The following MRPL2 variants were observed in gnomAD, a reference collection of about 807,000 sequenced individuals.
MRPL2 encodes mitochondrial ribosomal protein L2.
In MRPL2, 27 loss-of-function variants were observed where a neutral mutation model predicts 34.6. That is an observed-to-expected ratio of 0.78 (90% confidence interval 0.58 to 1.08). The LOEUF is 1.08. MRPL2 is among the 50% of genes least tolerant of loss of function. MRPL2 has a pLI of 0.00. For synonymous variants in MRPL2, 155 were observed against 158.0 expected (o/e 0.98, Z 0.14); for missense variants, 414 against 419.3 (o/e 0.99, Z 0.11).
At chr6:43,055,028 G>A (rs1764793036) in intron 6 of MRPL2, among the ~76,000 whole-genome samples, 1 of 151,274 alleles carries the variant, frequency 6.6e-6, no homozygotes, top group Non-Finnish European at 1.5e-5. Context: ...TGAGCTGATT[G>A]TGCCACTGCA....
rs1764933249 is a variant in MRPL2 at position 43,057,985 on chromosome 6, C to T, written c.265+80G>A. 1.0e-5 allele frequency: 15 copies of T among 1,491,034 alleles called. No individual in the cohort carries two copies. The East Asian group carries it at 3.4e-4, about 34-fold the overall frequency. 92.4% of individuals were successfully genotyped at this position (1,491,034 alleles called of 1,614,324 possible). On this transcript the variant is annotated intron_variant, in intron 2 of 6. Coordinates refer to ENST00000388752, the MANE Select transcript of MRPL2 (RefSeq NM_015950.5). ...TTACATTCCTCTGCCTTACAAGGTA[C>T]AAGTGTGTCAATATACAAGTCTAGG...
intron 6 of MRPL2, among the ~76,000 whole-genome samples, 187 bp downstream of exon 6, chr6:43,055,358 C>CA (rs1764816559): frequency 1.3e-5 from 2 of 149,486 alleles, no homozygotes; most frequent in South Asian, 4.2e-4. Flanking sequence ...GACTCTGTCT[C>CA]GAAAAAAAAA....
intron 2 of MRPL2, among the ~76,000 whole-genome samples, chr6:43,057,095 G>C (rs1764898559): frequency 6.6e-6 from 1 of 152,184 alleles, no homozygotes. Flanking sequence ...TGTTGCCCAG[G>C]CTGGATCCTG....
Position 43,056,563 on chromosome 6 carries a change from A to T in MRPL2, c.266-118T>A, listed in dbSNP as rs183512609. On this transcript the variant is annotated intron_variant, in intron 2 of 6. Coordinates refer to ENST00000388752, the MANE Select transcript of MRPL2 (RefSeq NM_015950.5). Reference sequence around the variant, plus strand: ...GCTTAGCATTGTGGCACAAGCAGAAATGATAAAAATTTGCACAGCACACTG... The same window carrying T: ...GCTTAGCATTGTGGCACAAGCAGAATTGATAAAAATTTGCACAGCACACTG... 70 of 1,302,494 alleles carry T rather than the reference A, an allele frequency of 5.4e-5. No individual in the cohort carries two copies. In the African/African-American group the frequency reaches 8.2e-4, roughly 15 times the overall value. 80.7% of individuals were successfully genotyped at this position (1,302,494 alleles called of 1,614,324 possible). A position where few individuals can be genotyped will look rare whatever the true frequency, so the allele number is the denominator to read the frequency against.
At chr6:43,055,835 A>T in intron 5 of MRPL2, 62 bp downstream of exon 5, 1 of 1,484,528 alleles carries the variant, frequency 6.7e-7, no homozygotes, top group Non-Finnish European at 9.2e-7. Context: ...ATGTGGAACC[A>T]TGGGTTCAGA....
In MRPL2 at chr6:43,058,220, C is replaced by T. The variant is rs1248335503; in HGVS notation, c.110G>A (p.Gly37Asp). The T allele has an allele frequency of 6.2e-7, 1 of 1,613,728 alleles. No homozygotes were observed. Among genetic ancestry groups the T allele is most frequent in the Admixed American group, 1.7e-5 (1 of 59,934 alleles). Residue 37 changes from glycine (G) to aspartate (D), a missense_variant, in exon 2 of 7, where the codon GGC (glycine) becomes GAC (aspartate). By Grantham distance (94) the Gly-to-Asp change is moderately conservative (BLOSUM62 -1). Transcript: ENST00000388752. ...LFPAAQMMNN[G>D]LLQQPSALML... ...CAAGGCAGAGGGCTGTTGGAGGAGGCCATTGTTCATCATCTAGGGATAAAA... is the reference window on the plus strand; with the variant it reads ...CAAGGCAGAGGGCTGTTGGAGGAGGTCATTGTTCATCATCTAGGGATAAAA...
At position 43,055,485 on chromosome 6, in the gene MRPL2, G is replaced by A. The variant is rs182997924; in HGVS notation, c.705+60C>T. ...AACACCTGGGAGCTATCCCAGACAG[G>A]AAAGTTACATTCCAAAAATTCCTCC... On this transcript the variant is annotated intron_variant, in intron 6 of 6. Transcript: ENST00000388752. 5.1e-5 allele frequency: 79 copies of A among 1,548,172 alleles called. No individual in the cohort carries two copies. The East Asian group carries it at 1.6e-3, about 32-fold the overall frequency.
rs370019919 is a variant in MRPL2 at position 43,056,323 on chromosome 6, G to C, written c.388C>G (p.Arg130Gly). 10 of 1,614,044 alleles carry C rather than the reference G, an allele frequency of 6.2e-6. No homozygotes were observed. Among genetic ancestry groups the C allele is most frequent in the African/African-American group, 1.3e-5 (1 of 74,896 alleles). ...CAAACTTGCCTACAGGGATCATAGC[G>C]GACTTGGATAACCTTCTCCTCAAAG... ...GPFEEKVIQV[R>G]YDPCRSADIA... is the part of the protein sequence containing the mutation. Residue 130 changes from arginine to glycine, a missense_variant, in exon 3 of 7, where the codon CGC becomes GGC. Physicochemically the swap from Arg to Gly is moderately radical, Grantham distance 125 (BLOSUM62 -2). Transcript: ENST00000388752.
chr6:43,056,737 C>T (rs893617169), intron 2 of MRPL2, among the ~76,000 whole-genome samples: 112 of 150,612 alleles, frequency 7.4e-4, no homozygotes, highest in African/African-American at 2.4e-3. Flanking sequence ...CGCAGTGGTG[C>T]GATCTCGGCT....
rs1266685522 is a variant in MRPL2, at chr6:43,059,356, G to A, written c.26C>T (p.Ala9Val). 1.9e-6 allele frequency: 3 copies of A among 1,552,228 alleles called. No individual in the cohort carries two copies. The highest frequency in any genetic ancestry group is 1.2e-5 in the South Asian group (1 of 84,056). Residue 9 changes from alanine to valine, a missense_variant, in exon 1 of 7, where the codon GCT becomes GTT. Coordinates refer to ENST00000388752, the MANE Select transcript of MRPL2 (RefSeq NM_015950.5). The part of the protein sequence containing the change: MALCALTR[A>V]LRSLNLAPPT... ...GGGCGCCAGGTTCAGAGAGCGCAGA[G>A]CGCGGGTCAGTGCGCACAGGGCCAT...
rs959640683 is a variant in MRPL2, at chr6:43,056,532, A to C, written c.266-87T>G. 6.0e-6 allele frequency: 9 copies of C among 1,499,674 alleles called. No individual in the cohort carries two copies. In the African/African-American group the frequency reaches 1.2e-4, roughly 21 times the overall value. 92.9% of individuals were successfully genotyped at this position (1,499,674 alleles called of 1,614,324 possible). On this transcript the variant is annotated intron_variant, in intron 2 of 6. Coordinates refer to ENST00000388752, the MANE Select transcript of MRPL2 (RefSeq NM_015950.5). Reference sequence around the variant, plus strand: ...GGAACTGGCCCATTCTCTGCCAGAGAGCAGTGCTTAGCATTGTGGCACAAG... The same window carrying C: ...GGAACTGGCCCATTCTCTGCCAGAGCGCAGTGCTTAGCATTGTGGCACAAG...
At chr6:43,055,710 T>G in intron 5 of MRPL2, 92 bp from the exon 6 acceptor site, 1 of 1,483,480 alleles carries the variant, frequency 6.7e-7, no homozygotes, top group Non-Finnish European at 9.3e-7. Flanking sequence ...TGCCCTTGCT[T>G]TGCTCTTTAG....
intron 1 of MRPL2, 154 bp downstream of exon 1, chr6:43,059,132 G>C (rs1237849247): frequency 1.3e-6 from 2 of 1,545,406 alleles, no homozygotes; most frequent in East Asian, 4.9e-5. Flanking sequence ...AGCAACACTT[G>C]TAGAGGAAAA....
chr6:43,057,854 C>A, intron 2 of MRPL2: 1 of 492,750 alleles, frequency 2.0e-6, no homozygotes, highest in Non-Finnish European at 3.5e-6. Context: ...TTCAATTACC[C>A]AAATTGTCTT....
At chr6:43,059,162 T>C in intron 1 of MRPL2, 124 bp downstream of exon 1, 1 of 1,550,194 alleles carries the variant, frequency 6.5e-7, no homozygotes, top group Non-Finnish European at 8.7e-7. Flanking sequence ...TAAGTGTGCC[T>C]TATCCAAGGT....
At chr6:43,058,002 A>C (rs752421410) in intron 2 of MRPL2, 63 bp downstream of exon 2, 3 of 1,560,788 alleles carry the variant, frequency 1.9e-6, no homozygotes, top group Non-Finnish European at 2.6e-6. Flanking sequence ...GTCAATATAC[A>C]AGTCTAGGGT....
chr6:43,058,996 C>T (rs1401945618), intron 1 of MRPL2: 3 of 737,784 alleles, frequency 4.1e-6, no homozygotes, highest in Non-Finnish European at 6.5e-6. Flanking sequence ...TTATTTGAAA[C>T]GTCTATTACC....
rs1281316405 is a variant in MRPL2, at chr6:43,055,637, T to C, written c.632-19A>G. On this transcript the variant is annotated intron_variant, in intron 5 of 6. Coordinates refer to ENST00000388752, the MANE Select transcript of MRPL2 (RefSeq NM_015950.5). Reference sequence around the variant, plus strand: ...CACGTCCCTGGGGAAAGAAGCTGATTTGCCACCCTCCACAAAACAGGGGGG... The same window carrying C: ...CACGTCCCTGGGGAAAGAAGCTGATCTGCCACCCTCCACAAAACAGGGGGG... The C allele has an allele frequency of 1.2e-6, 2 of 1,613,896 alleles. No homozygotes were observed. Among genetic ancestry groups the C allele is most frequent in the South Asian group, 2.2e-5 (2 of 91,062 alleles).
chr6:43,059,156 T>G lies in MRPL2; in HGVS notation c.96+130A>C, dbSNP rs749971454. 23 of 1,549,904 alleles carry G rather than the reference T, an allele frequency of 1.5e-5. No individual in the cohort carries two copies. The East Asian group carries it at 4.9e-4, about 33-fold the overall frequency. ...TGTAGAGGAAAAAGCTGAGGCTAAG[T>G]GTGCCTTATCCAAGGTCACGGACCT... On this transcript the variant is annotated intron_variant, in intron 1 of 6. Coordinates refer to ENST00000388752, the MANE Select transcript of MRPL2 (RefSeq NM_015950.5).
Sources: gnomAD v4.1 joint callset for allele counts (sites outside exome capture counted in the v4.1 genomes callset) on GRCh38, gnomAD v4.1.1 for gene constraint, MANE v1.5 for transcripts, NCBI Gene and HGNC (gene_info 2026-07-23, HGNC 2026-07-21) for gene names.